Variants in EEA1 observed in about 807,000 individuals in gnomAD.
EEA1 encodes early endosome antigen 1, 162kD.
Under a neutral mutation model 209.2 loss-of-function variants are expected in EEA1, and 111 were observed. The ratio of observed to expected loss-of-function variants is 0.53; its 90% CI spans 0.45 to 0.62. EEA1 has a LOEUF of 0.62. Among genes scored for constraint, EEA1 ranks in the 20% least tolerant of loss-of-function variants. The pLI, the probability that EEA1 is intolerant of heterozygous loss-of-function variation, is 0.00. For missense variants in EEA1, 1,343 were observed against 1,530.8 expected, an observed-to-expected ratio of 0.88 and a Z score of 2.05; for synonymous variants, 536 against 540.6, an observed-to-expected ratio of 0.99 and a Z score of 0.12.
chr12:92,799,213 A>G, intron 20 of EEA1, 127 bp from the exon 21 acceptor site: 3 of 755,170 alleles, frequency 4.0e-6, no homozygotes, highest in Non-Finnish European at 5.9e-6. Context: ...CTGAGTAACT[A>G]CTACACTCCA....
intron 13 of EEA1, among the ~76,000 whole-genome samples, chr12:92,821,595 C>G (rs1322195228): frequency 2.6e-5 from 4 of 152,126 alleles, no homozygotes; most frequent in Non-Finnish European, 5.9e-5. Flanking sequence ...ACCTCCATCA[C>G]AGTATATACT....
At position 92,852,938 on chromosome 12, in the gene EEA1, G is replaced by A. The variant is rs1877698466; in HGVS notation, c.494C>T (p.Ala165Val). 1 of 1,610,828 alleles carries A rather than the reference G, an allele frequency of 6.2e-7. No homozygotes were observed. Among genetic ancestry groups the A allele is most frequent in the African/African-American group, 1.3e-5 (1 of 74,896 alleles). Residue 165 changes from alanine (A) to valine (V), a missense_variant, in exon 7 of 29, where the codon GCA becomes GTA. Physicochemically the swap from Ala to Val is moderately conservative, Grantham distance 64. This residue lies in a region of EEA1 where 1,307 missense variants were observed against 1,465.5 expected (regional missense o/e 0.89). Transcript: ENST00000322349. Reference sequence around the variant, plus strand: ...TGCAATTTCAGTAGCAAGTTGGGCTGCTTTCTGTTCAAATAAGTCTTTCAT... The same window carrying A: ...TGCAATTTCAGTAGCAAGTTGGGCTACTTTCTGTTCAAATAAGTCTTTCAT... ...KQMKDLFEQKAAQLATEIADI... is the reference protein window; with the variant it reads ...KQMKDLFEQKVAQLATEIADI...
intron 1 of EEA1, among the ~76,000 whole-genome samples, chr12:92,915,323 C>A (rs565715037): frequency 6.6e-5 from 10 of 152,140 alleles, no homozygotes; most frequent in Admixed American, 5.9e-4. Context: ...AAAAAAGTAG[C>A]CAGGTGTGCT....
At chr12:92,922,959 AAAAATAAAATAAAAT>A (rs77973737) in intron 1 of EEA1, among the ~76,000 whole-genome samples, 24 of 145,586 alleles carry the variant, frequency 1.6e-4, no homozygotes, top group East Asian at 4.1e-4. Context: ...ACTCCACCTC[AAAAATAAAATAAAAT>A]AAAATAAAAT....
chr12:92,814,753 C>T (rs183210049), intron 15 of EEA1, among the ~76,000 whole-genome samples: 203 of 152,278 alleles, frequency 1.3e-3, no homozygotes, highest in African/African-American at 4.8e-3. Flanking sequence ...GAAGTGCCCT[C>T]ATACATGTGC....
chr12:92,862,210 A>G (rs1023102629), intron 3 of EEA1, among the ~76,000 whole-genome samples: 1 of 102,568 alleles, frequency 9.7e-6, no homozygotes. Flanking sequence ...ACAATACAAT[A>G]AAAACGGAAA....
chr12:92,777,475 A>G, intron 27 of EEA1, 68 bp downstream of exon 27: 1 of 1,501,596 alleles, frequency 6.7e-7, no homozygotes. Context: ...TTAAAAGGTA[A>G]AAATATGCTT....
At chr12:92,851,752 T>C (rs1877640717) in intron 8 of EEA1, among the ~76,000 whole-genome samples, 1 of 152,146 alleles carries the variant, frequency 6.6e-6, no homozygotes, top group African/African-American at 2.4e-5. Context: ...ATTAGAGATG[T>C]ATGGTTCCAA....
intron 18 of EEA1, among the ~76,000 whole-genome samples, chr12:92,803,583 T>G (rs1190524146): frequency 6.6e-6 from 1 of 151,902 alleles, no homozygotes; most frequent in African/African-American, 2.4e-5. Flanking sequence ...AGTCAATATG[T>G]TAAAGGGAGG....
intron 1 of EEA1, among the ~76,000 whole-genome samples, chr12:92,917,368 G>A (rs1452264784): frequency 6.8e-6 from 1 of 146,422 alleles, no homozygotes; most frequent in East Asian, 1.9e-4. Context: ...TCCTCAAAGG[G>A]AAGCCCATCA....
intron 5 of EEA1, among the ~76,000 whole-genome samples, chr12:92,854,976 G>A (rs1005171106): frequency 2.0e-5 from 3 of 152,078 alleles, no homozygotes; most frequent in African/African-American, 4.8e-5. Context: ...ACTGTGAACC[G>A]AAGAAAATCT....
chr12:92,869,752 C>CAAAAAAAAAAAAAA (rs71069185), intron 2 of EEA1, among the ~76,000 whole-genome samples: 2 of 26,792 alleles, frequency 7.5e-5, no homozygotes, highest in Non-Finnish European at 1.4e-4. Flanking sequence ...GATTCTGCCT[C>CAAAAAAAAAAAAAA]AAAAAAAAAA....
chr12:92,788,460 G>A (rs1007826805), intron 21 of EEA1, among the ~76,000 whole-genome samples: 8 of 151,822 alleles, frequency 5.3e-5, no homozygotes, highest in African/African-American at 9.7e-5. Flanking sequence ...TTAATATATA[G>A]TTTCTACTCT....
intron 1 of EEA1, among the ~76,000 whole-genome samples, chr12:92,907,474 C>A (rs1880424882): frequency 1.3e-5 from 2 of 152,148 alleles, no homozygotes; most frequent in South Asian, 2.1e-4. Context: ...TATTCCTTAA[C>A]CTTCACATCC....
At chr12:92,815,567 T>C (rs1035576350) in intron 15 of EEA1, among the ~76,000 whole-genome samples, 1 of 152,212 alleles carries the variant, frequency 6.6e-6, no homozygotes, top group Non-Finnish European at 1.5e-5. Context: ...GAACTATTTC[T>C]ATAAATTTCT....
intron 22 of EEA1, among the ~76,000 whole-genome samples, chr12:92,784,210 GC>G (rs1252119302): frequency 6.6e-6 from 1 of 152,050 alleles, no homozygotes; most frequent in Non-Finnish European, 1.5e-5. Context: ...TGAGTACATC[GC>G]CCAAAAAGCA....
Position 92,778,054 on chromosome 12 carries a change from A to G in EEA1, c.3780T>C (p.Ser1260=). 1 of 1,613,528 alleles carries G rather than the reference A, an allele frequency of 6.2e-7. No homozygotes were observed. The highest frequency in any genetic ancestry group is 8.5e-7 in the Non-Finnish European group (1 of 1,179,602). The part of the protein sequence containing the change: ...LGTVKKEWQS[S]QRRVSELEKQ... The stretch of plus-strand genomic sequence containing the variant: ...TCTCAAGCTCACTAACTCTCCGTTG[A>G]CTAGATTGCCACTCCTTCTTCACAG... Residue 1260 remains serine (S), a synonymous_variant, in exon 26 of 29, where the codon AGT becomes AGC. Coordinates refer to ENST00000322349, the MANE Select transcript of EEA1 (RefSeq NM_003566.4).
At chr12:92,865,039 TA>T (rs1226265792) in intron 2 of EEA1, 52 bp from the exon 3 acceptor site, 7 of 1,381,778 alleles carry the variant, frequency 5.1e-6, no homozygotes, top group African/African-American at 1.5e-5. Flanking sequence ...TATTGTGAAA[TA>T]ACAATTTGCA....
intron 10 of EEA1, among the ~76,000 whole-genome samples, chr12:92,834,298 C>G (rs534705566): frequency 6.6e-6 from 1 of 152,090 alleles, no homozygotes; most frequent in Non-Finnish European, 1.5e-5. Flanking sequence ...AATCCCAGCA[C>G]TCTGTGAGGC....
Sources: allele counts gnomAD v4.1 joint callset (sites outside exome capture counted in the v4.1 genomes callset), GRCh38; gene constraint gnomAD v4.1.1; regional missense constraint gnomAD v4.1.1; transcripts MANE v1.5; gene names NCBI Gene and HGNC (gene_info 2026-07-23, HGNC 2026-07-21).